The following CTSB variants were observed in gnomAD, a reference collection of about 807,000 sequenced individuals.
The protein encoded by CTSB is cathepsin B.
CTSB carries 57 observed loss-of-function variants against 44.3 expected under a neutral mutation model. The ratio of observed to expected loss-of-function variants is 1.29; its 90% CI spans 1.04 to 1.60. CTSB has a LOEUF of 1.60. Ranked by LOEUF, CTSB falls within the 40% of genes most tolerant of loss-of-function variation. The pLI is 0.00. For missense variants in CTSB, 768 were observed against 443.0 expected, an observed-to-expected ratio of 1.73 and a Z score of -6.59; for synonymous variants, 320 against 168.0, an observed-to-expected ratio of 1.91 and a Z score of -7.00.
At chr8:11,865,598 A>AAAC (rs1817007701) in intron 1 of CTSB, 1 of 151,246 alleles carries the variant, frequency 6.6e-6, no homozygotes, top group African/African-American at 2.4e-5. Flanking sequence ...AAAAAAAAAA[A>AAAC]GGAGAGAGAG....
intron 1 of CTSB, among the ~76,000 whole-genome samples, chr8:11,860,643 A>C (rs1816276395): frequency 6.6e-6 from 1 of 152,130 alleles, no homozygotes; most frequent in Non-Finnish European, 1.5e-5. Context: ...AAAACAAAAC[A>C]AAACAAAAAC....
In CTSB at chr8:11,847,273, G is replaced by A. The variant is rs985787085; in HGVS notation, c.677-105C>T. 7 of 749,992 alleles carry A rather than the reference G, an allele frequency of 9.3e-6. 1 individual carries two copies. In the East Asian group the frequency reaches 9.8e-5, roughly 11 times the overall value. The allele number at this position is 749,992 out of a possible 1,614,324, so 46.5% of individuals were successfully genotyped here. On this transcript the variant is annotated intron_variant, in intron 7 of 9. Coordinates refer to ENST00000353047, the MANE Select transcript of CTSB (RefSeq NM_001908.5). The stretch of plus-strand genomic sequence containing the variant: ...TTCTGGTGGCCTCCAGGGGAAGACT[G>A]CATCTAAGGGGACTTGCCCTGCCAG...
Position 11,845,171 on chromosome 8 carries a change from A to G in CTSB, c.974T>C (p.Val325Ala). 2 of 1,614,096 alleles carry G rather than the reference A, an allele frequency of 1.2e-6. No homozygotes were observed. Among genetic ancestry groups the G allele is most frequent in the Non-Finnish European group, 1.7e-6 (2 of 1,179,944 alleles). The change falls in exon 10 of 10, where the codon GTG becomes GCG. Residue 325 changes from valine (V) to alanine (A), a missense_variant. Physicochemically the swap from Val to Ala is moderately conservative, Grantham distance 64. Transcript: ENST00000353047. ...ATCGGTGCGTGGAATTCCAGCCACC[A>G]CTTCTGATTCGATTCCACAGTGATC... ...GQDHCGIESE[V>A]VAGIPRTDQY...
chr8:11,850,738 A>C, intron 4 of CTSB, 128 bp downstream of exon 4: 1 of 599,428 alleles, frequency 1.7e-6, no homozygotes, highest in Non-Finnish European at 3.0e-6. Context: ...GTACTGATGG[A>C]AACTGGGACT....
intron 1 of CTSB, among the ~76,000 whole-genome samples, chr8:11,856,299 C>T (rs899003305): frequency 2.0e-5 from 3 of 151,818 alleles, no homozygotes; most frequent in Non-Finnish European, 2.9e-5. Flanking sequence ...TGTTAAATTA[C>T]GGTAAGTGGT....
chr8:11,850,546 A>G (rs1399468613), intron 4 of CTSB: 1 of 220,374 alleles, frequency 4.5e-6, no homozygotes, highest in Non-Finnish European at 9.0e-6. Flanking sequence ...CTGACACTAA[A>G]GGGATGCTTT....
At chr8:11,851,193 A>G (rs1377426776) in intron 3 of CTSB, among the ~76,000 whole-genome samples, 2 of 136,720 alleles carry the variant, frequency 1.5e-5, no homozygotes, top group Non-Finnish European at 3.2e-5. Context: ...TTTGGGTGGG[A>G]CGGGAGGGTG....
intron 3 of CTSB, among the ~76,000 whole-genome samples, chr8:11,851,526 G>GTGGCTTTC: frequency 6.6e-6 from 1 of 151,970 alleles, no homozygotes; most frequent in Non-Finnish European, 1.5e-5. Context: ...CTAGGCTTAT[G>GTGGCTTTC]TAATGGATTT....
chr8:11,847,726 A>G lies in CTSB; in HGVS notation c.629T>C (p.Ile210Thr). 1.3e-6 allele frequency: 2 copies of G among 1,598,200 alleles called. No homozygotes were observed. The highest frequency in any genetic ancestry group is 1.1e-5 in the South Asian group (1 of 88,896). Residue 210 changes from isoleucine to threonine, a missense_variant, in exon 7 of 10, where the codon ATC becomes ACC. By Grantham distance (89) the Ile-to-Thr change is moderately conservative (BLOSUM62 -1). Transcript: ENST00000353047. The part of the protein sequence containing the change: ...GEGDTPKCSK[I>T]CEPGYSPTYK... ...GGTCGGGCTGTAGCCAGGCTCACAGATCTTGCTACACTTGGGGGTATCTCC... is the reference window on the plus strand; with the variant it reads ...GGTCGGGCTGTAGCCAGGCTCACAGGTCTTGCTACACTTGGGGGTATCTCC...
chr8:11,846,865 C>T (rs914019154), intron 8 of CTSB, among the ~76,000 whole-genome samples, 187 bp downstream of exon 8: 3 of 152,070 alleles, frequency 2.0e-5, no homozygotes, highest in African/African-American at 7.2e-5. Flanking sequence ...AACACCTGGA[C>T]AAAGACAGTC....
rs1049629947 is a variant in CTSB at position 11,844,997 on chromosome 8, G to A, written c.*128C>T. ...AGGACTTGGTCTCCTTGGAAGACAGGTCTGATGTTTGGCCAATCCAGTCCT... is the reference window on the plus strand; with the variant it reads ...AGGACTTGGTCTCCTTGGAAGACAGATCTGATGTTTGGCCAATCCAGTCCT... On this transcript the variant is annotated 3_prime_UTR_variant, in exon 10 of 10. Transcript: ENST00000353047. 6 of 672,790 alleles carry A rather than the reference G, an allele frequency of 8.9e-6. No individual in the cohort carries two copies. The highest frequency in any genetic ancestry group is 8.2e-5 in the East Asian group (3 of 36,744). 41.7% of individuals were successfully genotyped at this position (672,790 alleles called of 1,614,324 possible).
chr8:11,856,360 G>A (rs1368509949), intron 1 of CTSB, among the ~76,000 whole-genome samples: 6 of 152,276 alleles, frequency 3.9e-5, no homozygotes, highest in East Asian at 1.9e-4. Context: ...GGTGGGGCAC[G>A]GTGGCGCATG....
chr8:11,867,979 GC>G, intron 1 of CTSB, 21 bp downstream of exon 1: 1 of 152,242 alleles, frequency 6.6e-6, no homozygotes, highest in Non-Finnish European at 1.5e-5. Flanking sequence ...CGCTGCGGTG[GC>G]CCCGGGTCCC....
At chr8:11,856,081 A>C (rs1815452629) in intron 1 of CTSB, among the ~76,000 whole-genome samples, 1 of 152,186 alleles carries the variant, frequency 6.6e-6, no homozygotes, top group East Asian at 1.9e-4. Flanking sequence ...TGCAGATAAA[A>C]TCAAGGAGGT....
At chr8:11,845,456 T>C (rs1230918100) in intron 9 of CTSB, among the ~76,000 whole-genome samples, 1 of 152,184 alleles carries the variant, frequency 6.6e-6, no homozygotes, top group Non-Finnish European at 1.5e-5. Context: ...TGGGAACTGT[T>C]GCAGGCGTTG....
intron 1 of CTSB, among the ~76,000 whole-genome samples, chr8:11,860,587 G>T (rs866570089): frequency 2.2e-4 from 34 of 152,132 alleles, no homozygotes; most frequent in African/African-American, 7.0e-4. Flanking sequence ...TCGCACCATT[G>T]CACTCCACCT....
chr8:11,859,218 T>A (rs372975096), intron 1 of CTSB, among the ~76,000 whole-genome samples: 1 of 152,078 alleles, frequency 6.6e-6, no homozygotes, highest in African/African-American at 2.4e-5. Flanking sequence ...CCACCCCGGC[T>A]CTGTAGAACG....
rs544353361 is a variant in CTSB, at chr8:11,844,355, C to T, written c.*770G>A. On this transcript the variant is annotated 3_prime_UTR_variant, in exon 10 of 10. Transcript: ENST00000353047. ...AAAACTTTTATTGGCACAGGCATTC[C>T]TTGTTAACTTGACAGGGTGAAGCTG... is the stretch of plus-strand genomic sequence containing the variant. 6.6e-6 allele frequency: 1 copy of T among 151,436 alleles called. No individual in the cohort carries two copies. Among genetic ancestry groups the T allele is most frequent in the African/African-American group, 2.4e-5 (1 of 41,386 alleles). The allele number at this position is 151,436 out of a possible 1,614,324, so 9.4% of individuals were successfully genotyped here.
At chr8:11,860,663 G>C (rs148144238) in intron 1 of CTSB, among the ~76,000 whole-genome samples, 3 of 152,046 alleles carry the variant, frequency 2.0e-5, no homozygotes, top group African/African-American at 7.2e-5. Context: ...CAAAAGTCAA[G>C]TGCTTACATT....
Sources: allele counts gnomAD v4.1 joint callset (sites outside exome capture counted in the v4.1 genomes callset), GRCh38; gene constraint gnomAD v4.1.1; transcripts MANE v1.5; gene names NCBI Gene and HGNC (gene_info 2026-07-23, HGNC 2026-07-21).